Variants in GALNT3 observed in about 807,000 individuals in gnomAD.
GALNT3 encodes the protein GalNAc transferase 3.
GALNT3 carries 51 observed loss-of-function variants against 69.8 expected under a neutral mutation model. The ratio of observed to expected loss-of-function variants is 0.73; its 90% CI spans 0.58 to 0.92. The LOEUF is 0.92. Ranked by LOEUF, GALNT3 falls within the 40% of genes least tolerant of loss-of-function variation. The probability of loss-of-function intolerance (pLI) is 0.00; values close to 1 mark genes in which losing one functional copy is unlikely to be tolerated. For missense variants in GALNT3, 711 were observed against 760.0 expected, an observed-to-expected ratio of 0.94 and a Z score of 0.76; for synonymous variants, 265 against 248.5, an observed-to-expected ratio of 1.07 and a Z score of -0.63.
At chr2:165,787,999 C>T (rs916854828) in intron 1 of GALNT3, among the ~76,000 whole-genome samples, 2 of 152,230 alleles carry the variant, frequency 1.3e-5, no homozygotes, top group Admixed American at 6.5e-5. Context: ...GAAACAAGTT[C>T]GCTACTCCCC....
chr2:165,757,187 GA>G lies in GALNT3; in HGVS notation c.1251del (p.Arg418AlafsTer14). On this transcript the variant is annotated frameshift_variant, in exon 7 of 11. Coordinates refer to ENST00000392701, the MANE Select transcript of GALNT3 (RefSeq NM_004482.4). LOFTEE classifies it high-confidence loss of function. ...GGAAAGCTATGAGGGCTTTTGCTGC[GA>G]AAAACATGTCCAACAACAGAGCAAG... Reference protein sequence around the residue: ...IMPCSVVGHVFRSKSPHSFPK... With the variant: ...IMPCSVVGHVXRSKSPHSFPK... 6.2e-7 allele frequency: 1 copy of G among 1,614,012 alleles called. No individual in the cohort carries two copies. The highest frequency in any genetic ancestry group is 8.5e-7 in the Non-Finnish European group (1 of 1,179,950).
At chr2:165,766,810 A>G (rs555740043) in intron 2 of GALNT3, among the ~76,000 whole-genome samples, 2 of 152,306 alleles carry the variant, frequency 1.3e-5, no homozygotes, top group South Asian at 2.1e-4. Context: ...TCATACCTCA[A>G]TAGGAATGTC....
At position 165,749,852 on chromosome 2, in the gene GALNT3, G is replaced by A. The variant is rs1409734825; in HGVS notation, c.1669C>T (p.Gln557Ter). 7.4e-6 allele frequency: 12 copies of A among 1,613,498 alleles called. No homozygotes were observed. The highest frequency in any genetic ancestry group is 9.3e-6 in the Non-Finnish European group (11 of 1,179,648). Residue 557 changes from glutamine to a stop codon, truncating the protein, a stop_gained, in exon 10 of 11, where the codon CAG becomes TAG. Transcript: ENST00000392701. LOFTEE classifies it high-confidence loss of function. ...GCAGCATGAAGACATAATTCCTTCT[G>A]GATGTTGTGCCGAATTTCATGTTGA... ...SAQHEIRHNI[Q>*]KELCLHAAQG...
intron 1 of GALNT3, among the ~76,000 whole-genome samples, chr2:165,777,153 A>G (rs1299487295): frequency 6.6e-6 from 1 of 152,202 alleles, no homozygotes; most frequent in Non-Finnish European, 1.5e-5. Flanking sequence ...ACAATAAACC[A>G]TTACAACTCC....
In GALNT3 at chr2:165,757,249, TG is replaced by T. The variant is rs761371894; in HGVS notation, c.1192-3del. On this transcript the variant is annotated splice_polypyrimidine_tract_variant and splice_region_variant and intron_variant, in intron 6 of 10. Transcript: ENST00000392701. ...CAACTGCCCACCACATTGCCATACCTGATAATTAATGATATTTGTTTAAATT... is the reference window on the plus strand; with the variant it reads ...CAACTGCCCACCACATTGCCATACCTATAATTAATGATATTTGTTTAAATT... The T allele has an allele frequency of 6.2e-7, 1 of 1,611,282 alleles. No homozygotes were observed. Among genetic ancestry groups the T allele is most frequent in the Admixed American group, 1.7e-5 (1 of 60,000 alleles).
chr2:165,757,716 C>T (rs762297510), intron 6 of GALNT3, among the ~76,000 whole-genome samples: 1 of 152,024 alleles, frequency 6.6e-6, no homozygotes, highest in East Asian at 1.9e-4. Flanking sequence ...GAAAACAATT[C>T]CAGATGGCTA....
At chr2:165,764,767 C>G in intron 3 of GALNT3, 117 bp downstream of exon 3, 1 of 1,034,520 alleles carries the variant, frequency 9.7e-7, no homozygotes, top group Non-Finnish European at 1.5e-6. Context: ...TACCCACTAT[C>G]CAAACTATTA....
chr2:165,757,770 G>A (rs926237245), intron 6 of GALNT3, among the ~76,000 whole-genome samples: 1 of 152,072 alleles, frequency 6.6e-6, no homozygotes, highest in African/African-American at 2.4e-5. Flanking sequence ...AGTAGAGGAT[G>A]ATTATTTAAA....
intron 1 of GALNT3, among the ~76,000 whole-genome samples, chr2:165,791,235 T>C (rs2105235295): frequency 6.7e-6 from 1 of 150,256 alleles, no homozygotes; most frequent in South Asian, 2.1e-4. Context: ...TTATTTTCTT[T>C]CATGTGAGTG....
At chr2:165,755,085 AGGGAATG>A in intron 7 of GALNT3, 22 bp from the exon 8 acceptor site, 1 of 1,600,790 alleles carries the variant, frequency 6.2e-7, no homozygotes, top group African/African-American at 1.3e-5. Flanking sequence ...TGAGAAATGA[AGGGAATG>A]CTTAATTAAA....
chr2:165,765,169 T>C lies in GALNT3; in HGVS notation c.516-113A>G, dbSNP rs1688616698. 3.8e-5 allele frequency: 36 copies of C among 949,716 alleles called. No homozygotes were observed. The South Asian group carries it at 4.9e-4, about 13-fold the overall frequency. 58.8% of individuals were successfully genotyped at this position (949,716 alleles called of 1,614,324 possible). Reference sequence around the variant, plus strand: ...AATCTTTATCACTGAAAAAGGATAGTTTTCTTGTATGTGATATAATCTCAA... The same window carrying C: ...AATCTTTATCACTGAAAAAGGATAGCTTTCTTGTATGTGATATAATCTCAA... On this transcript the variant is annotated intron_variant, in intron 2 of 10. Coordinates refer to ENST00000392701, the MANE Select transcript of GALNT3 (RefSeq NM_004482.4).
At chr2:165,761,760 G>A (rs747981600) in intron 4 of GALNT3, 145 bp downstream of exon 4, 17 of 848,464 alleles carry the variant, frequency 2.0e-5, no homozygotes, top group Non-Finnish European at 3.2e-5. Flanking sequence ...TACCTGCTTG[G>A]GCTGTCATTG....
At chr2:165,758,310 CT>C (rs1197184154) in intron 6 of GALNT3, among the ~76,000 whole-genome samples, 1 of 152,104 alleles carries the variant, frequency 6.6e-6, no homozygotes, top group Non-Finnish European at 1.5e-5. Flanking sequence ...TACCCAAAGC[CT>C]TTTTTTATAT....
intron 1 of GALNT3, among the ~76,000 whole-genome samples, chr2:165,773,023 T>G (rs1422639931): frequency 6.6e-6 from 1 of 151,808 alleles, no homozygotes; most frequent in Non-Finnish European, 1.5e-5. Flanking sequence ...TGAGATGAGG[T>G]GGGTCAAAGG....
intron 5 of GALNT3, among the ~76,000 whole-genome samples, 182 bp from the exon 6 acceptor site, chr2:165,759,046 G>A (rs1045863663): frequency 1.3e-5 from 2 of 152,094 alleles, no homozygotes; most frequent in Non-Finnish European, 2.9e-5. Context: ...GGAGTACTTC[G>A]TGTCCTCTCC....
intron 1 of GALNT3, among the ~76,000 whole-genome samples, chr2:165,774,019 C>T (rs1423345911): frequency 6.6e-6 from 1 of 152,074 alleles, no homozygotes; most frequent in Non-Finnish European, 1.5e-5. Flanking sequence ...GATCCTAAGG[C>T]TTAGGATTCA....
chr2:165,765,497 ATT>A (rs5836051), intron 2 of GALNT3, among the ~76,000 whole-genome samples: 22 of 148,232 alleles, frequency 1.5e-4, no homozygotes, highest in African/African-American at 1.5e-4. Context: ...CACTTTATTA[ATT>A]TTTTTTTTTT....
rs1688739506 is a variant in GALNT3, at chr2:165,770,792, A to G, written c.-92T>C. Reference sequence around the variant, plus strand: ...ATCATAGATTTGCTGAGAAGAAGGTATCTTTAATGGTAGTACCTATAAACA... The same window carrying G: ...ATCATAGATTTGCTGAGAAGAAGGTGTCTTTAATGGTAGTACCTATAAACA... On this transcript the variant is annotated 5_prime_UTR_variant, in exon 2 of 11. Coordinates refer to ENST00000392701, the MANE Select transcript of GALNT3 (RefSeq NM_004482.4). 2.9e-6 allele frequency: 4 copies of G among 1,398,640 alleles called. No individual in the cohort carries two copies. Among genetic ancestry groups the G allele is most frequent in the East Asian group, 2.3e-5 (1 of 43,350 alleles). 86.6% of individuals were successfully genotyped at this position (1,398,640 alleles called of 1,614,324 possible).
At chr2:165,788,316 C>CAAA (rs59428597) in intron 1 of GALNT3, among the ~76,000 whole-genome samples, 7 of 49,312 alleles carry the variant, frequency 1.4e-4, no homozygotes, top group Admixed American at 3.9e-4. Context: ...GACATCACCT[C>CAAA]AAAAAAAAAA....
Sources: gnomAD v4.1 joint callset for allele counts (sites outside exome capture counted in the v4.1 genomes callset) on GRCh38, gnomAD v4.1.1 for gene constraint, MANE v1.5 for transcripts, NCBI Gene and HGNC (gene_info 2026-07-23, HGNC 2026-07-21) for gene names.